The following EFR3B variants were observed in gnomAD, a reference collection of about 807,000 sequenced individuals.
EFR3B encodes the protein protein EFR3 homolog B.
In EFR3B, 64 loss-of-function variants were observed where a neutral mutation model predicts 104.7. The ratio of observed to expected loss-of-function variants is 0.61; its 90% CI spans 0.50 to 0.75. The LOEUF (loss-of-function observed/expected upper bound fraction) is 0.75, where lower values mean the gene tolerates loss of function less well. Ranked by LOEUF, EFR3B falls within the 30% of genes least tolerant of loss-of-function variation. The pLI is 0.00. For missense variants in EFR3B, 750 were observed against 1,078.5 expected, an observed-to-expected ratio of 0.70 and a Z score of 4.27; for synonymous variants, 385 against 417.9, an observed-to-expected ratio of 0.92 and a Z score of 0.96.
rs1668772767 is a variant in EFR3B at position 25,080,531 on chromosome 2, G to A, written c.8-10794G>A. On this transcript the variant is annotated intron_variant, in intron 1 of 22. Coordinates refer to ENST00000403714, the MANE Select transcript of EFR3B (RefSeq NM_014971.2). ...ACTGTTCTTGACCTCCTGACCTCAGGTATCTGCCCGCCTCGGCCTCCCAAA... is the reference window on the plus strand; with the variant it reads ...ACTGTTCTTGACCTCCTGACCTCAGATATCTGCCCGCCTCGGCCTCCCAAA... The A allele has an allele frequency of 6.3e-6, 3 of 478,410 alleles. No homozygotes were observed. In the East Asian group the frequency reaches 1.1e-4, roughly 17 times the overall value. The allele number at this position is 478,410 out of a possible 1,614,324, so 29.6% of individuals were successfully genotyped here.
At chr2:25,103,939 T>A (rs748513229) in intron 4 of EFR3B, among the ~76,000 whole-genome samples, 152 bp downstream of exon 4, 2 of 152,112 alleles carry the variant, frequency 1.3e-5, no homozygotes, top group African/African-American at 2.4e-5. Context: ...GGGTCTCCCT[T>A]TGTGTGAACA....
chr2:25,073,666 C>T (rs963119871), intron 1 of EFR3B, among the ~76,000 whole-genome samples: 5 of 152,158 alleles, frequency 3.3e-5, no homozygotes, highest in East Asian at 1.9e-4. Context: ...AATGATTCTC[C>T]GGAATGCCTG....
In EFR3B at chr2:25,149,155, C is replaced by T. The variant is rs148343179; in HGVS notation, c.2143-539C>T. Among the ~76,000 whole-genome samples the T allele has an allele frequency of 6.8e-3, 1,026 of 151,942 alleles. 15 individuals carry two copies. The highest frequency in any genetic ancestry group is 0.022 in the African/African-American group (930 of 41,414). On this transcript the variant is annotated intron_variant, in intron 19 of 22. Coordinates refer to ENST00000403714, the MANE Select transcript of EFR3B (RefSeq NM_014971.2). ...CATGAGTTCAGGAGTTCGGGACCAG[C>T]CTGACCAACATGGTGAAACCCGTCT...
At chr2:25,135,236 C>T (rs983981094) in intron 12 of EFR3B, among the ~76,000 whole-genome samples, 8 of 152,180 alleles carry the variant, frequency 5.3e-5, no homozygotes, top group Non-Finnish European at 1.2e-4. Flanking sequence ...ACCCGAATGT[C>T]CCTGCACGCT....
intron 5 of EFR3B, among the ~76,000 whole-genome samples, chr2:25,122,869 G>A (rs1332876110): frequency 1.3e-5 from 2 of 152,116 alleles, no homozygotes; most frequent in Admixed American, 6.5e-5. Context: ...ACTCACGGAT[G>A]CATCCCAAGC....
At chr2:25,096,058 C>G (rs1372895652) in intron 3 of EFR3B, among the ~76,000 whole-genome samples, 1 of 152,074 alleles carries the variant, frequency 6.6e-6, no homozygotes, top group Non-Finnish European at 1.5e-5. Flanking sequence ...GTCTGTCGCC[C>G]AGGCTGGAGT....
chr2:25,072,808 A>G (rs573195233), intron 1 of EFR3B, among the ~76,000 whole-genome samples: 93 of 152,224 alleles, frequency 6.1e-4, no homozygotes, highest in African/African-American at 2.2e-3. Flanking sequence ...GGCCCACAGG[A>G]CTGCTGCTTG....
At chr2:25,043,151 A>G (rs866030327) in intron 1 of EFR3B, among the ~76,000 whole-genome samples, 23 of 152,126 alleles carry the variant, frequency 1.5e-4, no homozygotes, top group African/African-American at 3.6e-4. Context: ...AATGGACTGC[A>G]TTCCTGAGCC....
intron 1 of EFR3B, among the ~76,000 whole-genome samples, chr2:25,056,287 G>A (rs1365378808): frequency 6.6e-6 from 1 of 152,144 alleles, no homozygotes; most frequent in African/African-American, 2.4e-5. Flanking sequence ...TGCTGAAACG[G>A]TTAAGGCCGT....
chr2:25,087,298 C>A (rs1227455851), intron 1 of EFR3B, among the ~76,000 whole-genome samples: 1 of 151,190 alleles, frequency 6.6e-6, no homozygotes, highest in African/African-American at 2.4e-5. Context: ...AGGGACACAG[C>A]CAAACCATGT....
At chr2:25,112,431 G>T (rs567227774) in intron 4 of EFR3B, among the ~76,000 whole-genome samples, 1 of 152,366 alleles carries the variant, frequency 6.6e-6, no homozygotes, top group South Asian at 2.1e-4. Context: ...AGTCTTGAAG[G>T]GGGGACTGTG....
At chr2:25,121,326 G>A (rs1431796481) in intron 4 of EFR3B, among the ~76,000 whole-genome samples, 4 of 152,154 alleles carry the variant, frequency 2.6e-5, no homozygotes, top group Non-Finnish European at 4.4e-5. Context: ...CTCAGGTTCC[G>A]TATTATTCCT....
At chr2:25,118,289 C>A (rs1375586533) in intron 4 of EFR3B, among the ~76,000 whole-genome samples, 1 of 152,152 alleles carries the variant, frequency 6.6e-6, no homozygotes, top group African/African-American at 2.4e-5. Flanking sequence ...CTGAGCTTAA[C>A]TATTTTAGAT....
intron 3 of EFR3B, among the ~76,000 whole-genome samples, chr2:25,093,478 T>G (rs1231553186): frequency 6.6e-6 from 1 of 151,610 alleles, no homozygotes; most frequent in Non-Finnish European, 1.5e-5. Flanking sequence ...TGGGTGACTC[T>G]CAGAGTAAGA....
intron 1 of EFR3B, among the ~76,000 whole-genome samples, chr2:25,054,278 A>G (rs1667960824): frequency 6.6e-6 from 1 of 152,132 alleles, no homozygotes; most frequent in African/African-American, 2.4e-5. Context: ...CTTATATTGC[A>G]GGACACTGTA....
Position 25,130,892 on chromosome 2 carries a change from C to T in EFR3B, c.849+262C>T, listed in dbSNP as rs1670308612. Among the ~76,000 whole-genome samples the T allele has an allele frequency of 6.6e-6, 1 of 152,194 alleles. No homozygotes were observed. The highest frequency in any genetic ancestry group is 1.5e-5 in the Non-Finnish European group (1 of 68,050). ...ATAAAAAACTCATGCAAAATGCAAG[C>T]CTACAGATCACACCCTTGGCTGCTA... On this transcript the variant is annotated intron_variant, in intron 8 of 22. Coordinates refer to ENST00000403714, the MANE Select transcript of EFR3B (RefSeq NM_014971.2). This position sits in a 1 kb window ranked among gnomAD's most constrained non-coding sequence, Gnocchi z 4.6.
At chr2:25,048,927 C>G (rs1175737249) in intron 1 of EFR3B, among the ~76,000 whole-genome samples, 1 of 152,230 alleles carries the variant, frequency 6.6e-6, no homozygotes, top group Non-Finnish European at 1.5e-5. Flanking sequence ...AACCCACCCA[C>G]CCTGTGGGGC....
chr2:25,105,777 C>T (rs1033418859), intron 4 of EFR3B, among the ~76,000 whole-genome samples: 1 of 152,200 alleles, frequency 6.6e-6, no homozygotes, highest in Non-Finnish European at 1.5e-5. Context: ...CCACTGGAAG[C>T]AGGTGGCCAC....
At chr2:25,100,256 A>T (rs1450347745) in intron 3 of EFR3B, among the ~76,000 whole-genome samples, 1 of 152,198 alleles carries the variant, frequency 6.6e-6, no homozygotes, top group Admixed American at 6.5e-5. Flanking sequence ...GATGGATATG[A>T]TTTAGGTCAA....
Sources: gnomAD v4.1 joint callset for allele counts (sites outside exome capture counted in the v4.1 genomes callset) on GRCh38, gnomAD v4.1.1 for gene constraint, Gnocchi (gnomAD v3.1) non-coding constraint, MANE v1.5 for transcripts, NCBI Gene and HGNC (gene_info 2026-07-23, HGNC 2026-07-21) for gene names.